The following GRID2 variants were observed in gnomAD, a reference collection of about 807,000 sequenced individuals.
GRID2 encodes the protein glutamate ionotropic receptor delta type subunit 2.
GRID2 carries 33 observed loss-of-function variants against 114.8 expected under a neutral mutation model. The ratio of observed to expected loss-of-function variants is 0.29; its 90% confidence interval spans 0.22 to 0.38. GRID2 has a LOEUF of 0.38. GRID2 is among the 10% of genes least tolerant of loss of function. The probability of loss-of-function intolerance (pLI) is 1.00; values close to 1 mark genes in which losing one functional copy is unlikely to be tolerated. For synonymous variants in GRID2, 505 were observed against 449.9 expected, an observed-to-expected ratio of 1.12 and a Z score of -1.55; for missense variants, 1,184 against 1,257.7, an observed-to-expected ratio of 0.94 and a Z score of 0.89.
rs527928614 is a variant in GRID2, at chr4:93,357,347, T to C, written c.1246-38260T>C. Among the ~76,000 whole-genome samples, 5 of 151,622 alleles carry C rather than the reference T, an allele frequency of 3.3e-5. No individual in the cohort carries two copies. In the East Asian group the frequency reaches 7.8e-4, roughly 24 times the overall value. On this transcript the variant is annotated intron_variant, in intron 8 of 15. Coordinates refer to ENST00000282020, the MANE Select transcript of GRID2 (RefSeq NM_001510.4). ...ATTTTTCTTATTAATTCAAGAGGAC[T>C]CCATGAATTAAAAAATAATTTAATT...
chr4:93,378,136 C>T lies in GRID2; in HGVS notation c.1246-17471C>T, dbSNP rs571974503. Among the ~76,000 whole-genome samples, 4 of 152,174 alleles carry T rather than the reference C, an allele frequency of 2.6e-5. No individual in the cohort carries two copies. The South Asian group carries it at 8.3e-4, about 32-fold the overall frequency. On this transcript the variant is annotated intron_variant, in intron 8 of 15. Coordinates refer to ENST00000282020, the MANE Select transcript of GRID2 (RefSeq NM_001510.4). ...CAATGACTGTTTCAAAAAATTTATA[C>T]CTTCAACAAAACTTTAATCCTATTT...
intron 4 of GRID2, among the ~76,000 whole-genome samples, chr4:93,140,735 A>G (rs1735697484): frequency 6.6e-6 from 1 of 152,256 alleles, no homozygotes; most frequent in Non-Finnish European, 1.5e-5. Flanking sequence ...TAGCATGTTA[A>G]GCAAATTTCA....
intron 2 of GRID2, among the ~76,000 whole-genome samples, chr4:93,042,299 C>CTCTCTCTA (rs1322225581): frequency 5.8e-5 from 6 of 102,664 alleles, no homozygotes; most frequent in Non-Finnish European, 1.2e-4. Context: ...CTCTCTCTCT[C>CTCTCTCTA]TATATATATA....
chr4:92,662,707 A>G (rs10034418), intron 2 of GRID2, among the ~76,000 whole-genome samples: 2,416 of 151,286 alleles, frequency 0.016, 66 homozygotes, highest in African/African-American at 0.054. Flanking sequence ...AGGAGAGATG[A>G]ATTTATGGAT....
rs749542291 is a variant in GRID2, at chr4:93,697,869, G to GTATATATATA, written c.2361-71339_2361-71330dup. 2.5e-4 allele frequency among the ~76,000 whole-genome samples: 31 copies of GTATATATATA among 122,690 alleles called. 3 individuals carry two copies. In the East Asian group the frequency reaches 3.2e-3, roughly 13 times the overall value. The allele number at this position is 122,690 out of a possible 152,430, so 80.5% of individuals were successfully genotyped here. ...TCAATTTAGTCATTCCACAATGTGTGTATATATATATTTCAAAACAATACG... is the reference window on the plus strand; with the variant it reads ...TCAATTTAGTCATTCCACAATGTGTGTATATATATATATATATATATTTCAAAACAATACG... On this transcript the variant is annotated intron_variant, in intron 14 of 15. Coordinates refer to ENST00000282020, the MANE Select transcript of GRID2 (RefSeq NM_001510.4).
intron 2 of GRID2, among the ~76,000 whole-genome samples, chr4:92,702,938 C>G (rs1227545044): frequency 6.6e-6 from 1 of 152,028 alleles, no homozygotes; most frequent in East Asian, 1.9e-4. Flanking sequence ...AGTTCATCTC[C>G]CAGTTCTTTA....
intron 1 of GRID2, among the ~76,000 whole-genome samples, chr4:92,412,201 T>C (rs1731373387): frequency 6.6e-6 from 1 of 152,088 alleles, no homozygotes; most frequent in African/African-American, 2.4e-5. Context: ...TATACTCTGA[T>C]TTCTATCAAG....
intron 2 of GRID2, among the ~76,000 whole-genome samples, chr4:92,668,211 A>C (rs1407959962): frequency 6.6e-6 from 1 of 151,822 alleles, no homozygotes; most frequent in Non-Finnish European, 1.5e-5. Context: ...CTGTCTCTTA[A>C]GAATGAGATT....
intron 2 of GRID2, among the ~76,000 whole-genome samples, chr4:92,930,694 T>A (rs2149519804): frequency 6.7e-6 from 1 of 148,212 alleles, no homozygotes; most frequent in Non-Finnish European, 1.5e-5. Flanking sequence ...TTAAAATAAA[T>A]ATATGTGTTG....
chr4:93,593,642 C>G (rs1738672712), intron 13 of GRID2, among the ~76,000 whole-genome samples: 1 of 151,728 alleles, frequency 6.6e-6, no homozygotes, highest in Non-Finnish European at 1.5e-5. Context: ...TAATATCCTG[C>G]AGAGTGTTTT....
intron 13 of GRID2, among the ~76,000 whole-genome samples, chr4:93,594,815 T>C (rs111853107): frequency 6.6e-6 from 1 of 152,084 alleles, no homozygotes; most frequent in South Asian, 2.1e-4. Context: ...GACCCGATTT[T>C]CCAGGTGCCG....
intron 8 of GRID2, among the ~76,000 whole-genome samples, chr4:93,261,790 C>G (rs1750281633): frequency 6.6e-6 from 1 of 151,554 alleles, no homozygotes; most frequent in Admixed American, 6.6e-5. Flanking sequence ...GTTTGGCAAA[C>G]TTTTTCTGTA....
intron 8 of GRID2, among the ~76,000 whole-genome samples, chr4:93,310,556 T>C (rs947341417): frequency 5.3e-5 from 8 of 150,808 alleles, no homozygotes; most frequent in South Asian, 2.1e-4. Flanking sequence ...AAAATAAAAT[T>C]GAGAACACAG....
At chr4:92,486,829 C>G (rs547942618) in intron 1 of GRID2, among the ~76,000 whole-genome samples, 2 of 152,010 alleles carry the variant, frequency 1.3e-5, no homozygotes, top group African/African-American at 4.8e-5. Context: ...TGAACAGATG[C>G]TTAACATCTC....
chr4:93,605,180 A>G (rs979820372), intron 13 of GRID2, among the ~76,000 whole-genome samples: 2 of 152,170 alleles, frequency 1.3e-5, no homozygotes, highest in African/African-American at 2.4e-5. Context: ...GTCCAATGTG[A>G]TAACCCACTA....
chr4:92,627,282 TA>T (rs1306992174), intron 2 of GRID2, among the ~76,000 whole-genome samples: 1 of 152,126 alleles, frequency 6.6e-6, no homozygotes, highest in Non-Finnish European at 1.5e-5. Context: ...TCCAATTTCA[TA>T]GTAGACTTTA....
At chr4:92,517,877 T>A (rs1397185152) in intron 1 of GRID2, among the ~76,000 whole-genome samples, 1 of 151,730 alleles carries the variant, frequency 6.6e-6, no homozygotes, top group Non-Finnish European at 1.5e-5. Flanking sequence ...CTATCAAAGA[T>A]GAACAATATT....
At chr4:92,607,078 T>G (rs963815853) in intron 2 of GRID2, among the ~76,000 whole-genome samples, 1 of 151,938 alleles carries the variant, frequency 6.6e-6, no homozygotes, top group African/African-American at 2.4e-5. Context: ...CATAGTTGAG[T>G]GTCTGAACTT....
chr4:92,536,803 C>T (rs1352128529), intron 1 of GRID2, among the ~76,000 whole-genome samples: 3 of 152,044 alleles, frequency 2.0e-5, no homozygotes, highest in Non-Finnish European at 2.9e-5. Flanking sequence ...CCAAGAATGA[C>T]TAAGTGTAAT....
Sources: allele counts gnomAD v4.1 joint callset (sites outside exome capture counted in the v4.1 genomes callset), GRCh38; gene constraint gnomAD v4.1.1; transcripts MANE v1.5; gene names NCBI Gene and HGNC (gene_info 2026-07-23, HGNC 2026-07-21).